ATP2B1: variants seen among roughly 807,000 people sequenced by gnomAD.
ATP2B1 encodes ATPase plasma membrane Ca2+ transporting 1, also known as plasma membrane calcium-transporting ATPase 1.
ATP2B1 carries 14 observed loss-of-function variants against 124.2 expected under a neutral mutation model. The ratio of observed to expected loss-of-function variants is 0.11; its 90% CI spans 0.07 to 0.18. The LOEUF (loss-of-function observed/expected upper bound fraction) is 0.18, where lower values mean the gene tolerates loss of function less well. ATP2B1 is among the 10% of genes least tolerant of loss of function. The pLI is 1.00. For synonymous variants in ATP2B1, 449 were observed against 492.4 expected (o/e 0.91, Z 1.17); for missense variants, 763 against 1,466.1 (o/e 0.52, Z 7.83).
intron 2 of ATP2B1, among the ~76,000 whole-genome samples, chr12:89,645,598 G>A (rs988041471): frequency 2.0e-5 from 3 of 152,212 alleles, no homozygotes; most frequent in African/African-American, 7.2e-5. Flanking sequence ...GGTCAAGGGT[G>A]AGAAGACTTT....
At chr12:89,616,729 T>C (rs925969934) in intron 12 of ATP2B1, 73 bp downstream of exon 12, 74 of 1,372,100 alleles carry the variant, frequency 5.4e-5, no homozygotes, top group Admixed American at 1.1e-4. Context: ...ACTAGAAAAC[T>C]GGTTACAATT....
At chr12:89,592,366 T>TG (rs1379207214) in intron 20 of ATP2B1, among the ~76,000 whole-genome samples, 8 of 152,208 alleles carry the variant, frequency 5.3e-5, no homozygotes, top group Middle Eastern at 6.8e-3. Context: ...AATAACACTT[T>TG]GACATTCTAG....
intron 20 of ATP2B1, among the ~76,000 whole-genome samples, chr12:89,596,262 A>C (rs1874592097): frequency 6.6e-6 from 1 of 152,166 alleles, no homozygotes; most frequent in Admixed American, 6.6e-5. Context: ...TTGTCGAAAA[A>C]GTTTAATATG....
intron 2 of ATP2B1, among the ~76,000 whole-genome samples, chr12:89,649,645 A>G (rs1884982845): frequency 6.6e-6 from 1 of 152,198 alleles, no homozygotes; most frequent in Non-Finnish European, 1.5e-5. Flanking sequence ...ACTTTGGGAC[A>G]CTGTTGAGAA....
chr12:89,663,954 T>C (rs1208381471), intron 1 of ATP2B1, among the ~76,000 whole-genome samples: 1 of 152,228 alleles, frequency 6.6e-6, no homozygotes, highest in Non-Finnish European at 1.5e-5. Flanking sequence ...CCTTTATAAT[T>C]GCTTTCATCT....
Position 89,604,344 on chromosome 12 carries a change from ACCCTGTT to A in ATP2B1, c.2443-5_2444del. 2.5e-6 allele frequency: 4 copies of A among 1,580,306 alleles called. No individual in the cohort carries two copies. The highest frequency in any genetic ancestry group is 2.0e-5 in the Admixed American group (1 of 51,166). On this transcript the variant is annotated splice_acceptor_variant and splice_polypyrimidine_tract_variant and coding_sequence_variant and intron_variant, in exon 16 of 21. Transcript: ENST00000428670. LOFTEE classifies it high-confidence loss of function. Reference sequence around the variant, plus strand: ...CTTTAGCTACATCAGTTCCAGCAATACCCTGTTAAAAAAAATTTTGTGAATTAGACTA... The same window carrying A: ...CTTTAGCTACATCAGTTCCAGCAATAAAAAAAAATTTTGTGAATTAGACTA...
chr12:89,610,348 TCTATTA>T, intron 14 of ATP2B1, 67 bp downstream of exon 14: 1 of 1,225,966 alleles, frequency 8.2e-7, no homozygotes, highest in South Asian at 1.3e-5. Flanking sequence ...ATATTCAGTA[TCTATTA>T]CTATTCTGGG....
At chr12:89,690,332 T>A (rs1399828798) in intron 1 of ATP2B1, among the ~76,000 whole-genome samples, 1 of 151,986 alleles carries the variant, frequency 6.6e-6, no homozygotes, top group African/African-American at 2.4e-5. Context: ...CAAATCTTTT[T>A]TTTTTTTGGA....
chr12:89,599,276 G>A lies in ATP2B1; in HGVS notation c.3192C>T (p.Ser1064=). The A allele has an allele frequency of 6.2e-7, 1 of 1,614,028 alleles. No homozygotes were observed. The highest frequency in any genetic ancestry group is 8.5e-7 in the Non-Finnish European group (1 of 1,179,956). Residue 1064 remains serine (S), a synonymous_variant, in exon 20 of 21, where the codon AGC becomes AGT. Transcript: ENST00000428670. ...CAGCTTCTTTGAGGAATTTTAAACG[G>A]CTAGTTGGAATTGTTGAAATAAGCT... ...WGQLISTIPT[S]RLKFLKEAGH... is the part of the protein sequence containing the mutation.
At chr12:89,608,739 A>G (rs1055062810) in intron 15 of ATP2B1, among the ~76,000 whole-genome samples, 6 of 152,202 alleles carry the variant, frequency 3.9e-5, no homozygotes, top group African/African-American at 1.2e-4. Flanking sequence ...GTAAATAGCA[A>G]TAAGAATCCT....
Position 89,603,661 on chromosome 12 carries a change from G to A in ATP2B1, c.2848+51C>T, listed in dbSNP as rs760023200. 1 of 1,554,676 alleles carries A rather than the reference G, an allele frequency of 6.4e-7. No homozygotes were observed. The highest frequency in any genetic ancestry group is 1.4e-5 in the African/African-American group (1 of 73,638). On this transcript the variant is annotated intron_variant, in intron 17 of 20. Transcript: ENST00000428670. The surrounding 1 kb of genome is among the most constrained non-coding windows in gnomAD (Gnocchi z 4.3). The stretch of plus-strand genomic sequence containing the variant: ...AACATTATAACATCTTGGATGATTA[G>A]CTTGGAAAAGAAACAATTAACTGAA...
chr12:89,600,794 G>A (rs944062372), intron 19 of ATP2B1, among the ~76,000 whole-genome samples: 1 of 151,816 alleles, frequency 6.6e-6, no homozygotes, highest in Non-Finnish European at 1.5e-5. Context: ...GATTACAGGC[G>A]CCTGCCACCA....
intron 1 of ATP2B1, among the ~76,000 whole-genome samples, chr12:89,658,732 CT>C (rs1363136625): frequency 6.6e-6 from 1 of 151,660 alleles, no homozygotes; most frequent in Non-Finnish European, 1.5e-5. Flanking sequence ...CATCACTGAT[CT>C]TTTCCGTAAT....
chr12:89,708,806 A>C lies in ATP2B1; in HGVS notation c.-432T>G, dbSNP rs1422024126. 1.3e-5 allele frequency: 2 copies of C among 151,654 alleles called. No homozygotes were observed. The highest frequency in any genetic ancestry group is 4.8e-5 in the African/African-American group (2 of 41,256). The allele number at this position is 151,654 out of a possible 1,614,324, so 9.4% of individuals were successfully genotyped here. A position where few individuals can be genotyped will look rare whatever the true frequency, so the allele number is the denominator to read the frequency against. On this transcript the variant is annotated 5_prime_UTR_variant, in exon 1 of 21. Transcript: ENST00000428670. ...CAAGGAGCCGAGAGGCTCGGCGTCC[A>C]CCAGCCGGGGCTCCCTACTCACGCT...
At chr12:89,642,407 A>G (rs1182288739) in intron 2 of ATP2B1, 52 bp from the exon 3 acceptor site, 1 of 1,503,666 alleles carries the variant, frequency 6.7e-7, no homozygotes, top group East Asian at 2.3e-5. Context: ...TACAAATGAA[A>G]ATATATAGTT....
intron 1 of ATP2B1, among the ~76,000 whole-genome samples, chr12:89,708,231 G>A (rs1190179396): frequency 6.6e-6 from 1 of 152,258 alleles, no homozygotes; most frequent in East Asian, 1.9e-4. Context: ...CGTGGCGGGG[G>A]CGACCGGTGG....
intron 7 of ATP2B1, among the ~76,000 whole-genome samples, chr12:89,626,865 G>C (rs1389585728): frequency 2.0e-5 from 3 of 152,108 alleles, no homozygotes; most frequent in Admixed American, 6.5e-5. Context: ...TCCTTAAACT[G>C]AGAACTAAAG....
chr12:89,605,563 CT>C (rs1271993379), intron 15 of ATP2B1, among the ~76,000 whole-genome samples: 1 of 152,144 alleles, frequency 6.6e-6, no homozygotes, highest in Admixed American at 6.5e-5. Context: ...CTTCCAGAAC[CT>C]CAAGTCAAAT....
intron 15 of ATP2B1, among the ~76,000 whole-genome samples, chr12:89,607,590 T>G (rs1047521154): frequency 1.3e-5 from 2 of 152,344 alleles, no homozygotes; most frequent in African/African-American, 4.8e-5. Context: ...TTTAATTACC[T>G]TAGGTTTTAC....
Sources: allele counts gnomAD v4.1 joint callset (sites outside exome capture counted in the v4.1 genomes callset), GRCh38; gene constraint gnomAD v4.1.1; non-coding constraint Gnocchi (gnomAD v3.1); transcripts MANE v1.5; gene names NCBI Gene and HGNC (gene_info 2026-07-23, HGNC 2026-07-21).